The following CHGA variants were observed in gnomAD, a reference collection of about 807,000 sequenced individuals.
CHGA encodes chromogranin A.
Under a neutral mutation model 54.4 loss-of-function variants are expected in CHGA, and 41 were observed. That is an observed-to-expected ratio of 0.75 (90% confidence interval 0.59 to 0.98). The LOEUF (loss-of-function observed/expected upper bound fraction) is 0.98, where lower values mean the gene tolerates loss of function less well. Ranked by LOEUF, CHGA falls within the 50% of genes least tolerant of loss-of-function variation. The pLI is 0.00. For synonymous variants in CHGA, 249 were observed against 232.8 expected, an observed-to-expected ratio of 1.07 and a Z score of -0.63; for missense variants, 576 against 582.3, an observed-to-expected ratio of 0.99 and a Z score of 0.11.
chr14:92,931,489 G>A lies in CHGA; in HGVS notation c.595G>A (p.Ala199Thr). 6.2e-7 allele frequency: 1 copy of A among 1,612,160 alleles called. No homozygotes were observed. Among genetic ancestry groups the A allele is most frequent in the Non-Finnish European group, 8.5e-7 (1 of 1,179,526 alleles). The change falls in exon 6 of 8, where the codon GCC (alanine) becomes ACC (threonine). Residue 199 changes from alanine (A) to threonine (T), a missense_variant. Physicochemically the swap from Ala to Thr is moderately conservative, Grantham distance 58. Transcript: ENST00000216492. ...LPSQKYPGPQAEGDSEGLSQG... is the reference protein window; with the variant it reads ...LPSQKYPGPQTEGDSEGLSQG... ...CAGCCAGAAATACCCAGGCCCACAG[G>A]CCGAGGGGGACAGTGAGGGCCTCTC...
At chr14:92,927,441 G>C (rs1886908390) in intron 3 of CHGA, 109 bp from the exon 4 acceptor site, 2 of 860,642 alleles carry the variant, frequency 2.3e-6, no homozygotes, top group African/African-American at 1.7e-5. Flanking sequence ...CACCACCCTG[G>C]TTTTGAGTTT....
rs1887032885 is a variant in CHGA at position 92,932,693 on chromosome 14, G to A, written c.1132G>A (p.Ala378Thr). Residue 378 changes from alanine to threonine, a missense_variant, in exon 7 of 8, where the codon GCC (alanine) becomes ACC (threonine). Coordinates refer to ENST00000216492, the MANE Select transcript of CHGA (RefSeq NM_001275.4). This position sits in a 1 kb window ranked among gnomAD's most constrained non-coding sequence, Gnocchi z 5.3. ...CAGTTCCATGAAGCTCTCCTTCCGGGCCCGGGCCTACGGCTTCAGGGGCCC... is the reference window on the plus strand; with the variant it reads ...CAGTTCCATGAAGCTCTCCTTCCGGACCCGGGCCTACGGCTTCAGGGGCCC... ...RDSSMKLSFR[A>T]RAYGFRGPGP... is the part of the protein sequence containing the mutation. 1 of 1,610,486 alleles carries A rather than the reference G, an allele frequency of 6.2e-7. No homozygotes were observed. Among genetic ancestry groups the A allele is most frequent in the African/African-American group, 1.3e-5 (1 of 74,910 alleles).
chr14:92,927,048 C>A, intron 3 of CHGA, among the ~76,000 whole-genome samples: 1 of 152,198 alleles, frequency 6.6e-6, no homozygotes, highest in South Asian at 2.1e-4. Flanking sequence ...TCTGCAGACA[C>A]CCTCTAGATG....
intron 3 of CHGA, 147 bp from the exon 4 acceptor site, chr14:92,927,403 G>T: frequency 1.5e-6 from 1 of 660,736 alleles, no homozygotes; most frequent in Non-Finnish European, 2.7e-6. Flanking sequence ...AATTTCAAAA[G>T]TGTTATCTGA....
intron 1 of CHGA, 128 bp from the exon 2 acceptor site, chr14:92,924,071 C>G: frequency 9.5e-7 from 1 of 1,057,416 alleles, no homozygotes; most frequent in South Asian, 1.4e-5. Context: ...CAGCCCTAGC[C>G]TCTCTTTTTG....
At position 92,934,802 on chromosome 14, in the gene CHGA, AC is replaced by A. The variant is rs1478211794; in HGVS notation, c.1294del (p.Gln432ArgfsTer103). On this transcript the variant is annotated frameshift_variant and splice_region_variant, in exon 8 of 8. Coordinates refer to ENST00000216492, the MANE Select transcript of CHGA (RefSeq NM_001275.4). LOFTEE classifies it high-confidence loss of function. ...EEGSANRRPE[D>X]QELESLSAIE... Reference sequence around the variant, plus strand: ...AGTGAACCCCAATGTCTCTCCTAGGACCAGGAGCTGGAGAGCCTGTCGGCCA... The same window carrying A: ...AGTGAACCCCAATGTCTCTCCTAGGACAGGAGCTGGAGAGCCTGTCGGCCA... 6.3e-7 allele frequency: 1 copy of A among 1,579,566 alleles called. No individual in the cohort carries two copies. Among genetic ancestry groups the A allele is most frequent in the South Asian group, 1.2e-5 (1 of 85,370 alleles).
At chr14:92,931,801 C>G (rs1887005245) in intron 6 of CHGA, 99 bp downstream of exon 6, 1 of 1,221,452 alleles carries the variant, frequency 8.2e-7, no homozygotes, top group African/African-American at 1.5e-5. Context: ...TCATAACAAC[C>G]CTGAAAGGTA....
At chr14:92,929,268 C>G (rs1886947079) in intron 4 of CHGA, among the ~76,000 whole-genome samples, 1 of 152,216 alleles carries the variant, frequency 6.6e-6, no homozygotes, top group Non-Finnish European at 1.5e-5. Flanking sequence ...GTCACCATTA[C>G]TGCCTGCTGC....
rs1307623914 is a variant in CHGA at position 92,932,276 on chromosome 14, T to G, written c.809-94T>G. The G allele has an allele frequency of 1.1e-5, 16 of 1,439,012 alleles. No homozygotes were observed. Among genetic ancestry groups the G allele is most frequent in the Non-Finnish European group, 1.4e-5 (15 of 1,085,900 alleles). 89.1% of individuals were successfully genotyped at this position (1,439,012 alleles called of 1,614,324 possible). A position where few individuals can be genotyped will look rare whatever the true frequency, so the allele number is the denominator to read the frequency against. On this transcript the variant is annotated intron_variant, in intron 6 of 7. Transcript: ENST00000216492. This position sits in a 1 kb window ranked among gnomAD's most constrained non-coding sequence, Gnocchi z 5.3. ...CGTCATCACTGTGGAGAGGCTGGGC[T>G]GTGGCCGCAGCAGAGGCCCCCAGGG...
chr14:92,932,864 C>A lies in CHGA; in HGVS notation c.1290+13C>A. The A allele has an allele frequency of 6.8e-7, 1 of 1,469,140 alleles. No individual in the cohort carries two copies. Among genetic ancestry groups the A allele is most frequent in the Non-Finnish European group, 9.0e-7 (1 of 1,107,542 alleles). The allele number at this position is 1,469,140 out of a possible 1,614,324, so 91.0% of individuals were successfully genotyped here. A position where few individuals can be genotyped will look rare whatever the true frequency, so the allele number is the denominator to read the frequency against. Reference sequence around the variant, plus strand: ...CCGCAGACCAGAGGTTGGTATGGGGCGGGAGCCAGCTCTGTGCCAGGCCAC... The same window carrying A: ...CCGCAGACCAGAGGTTGGTATGGGGAGGGAGCCAGCTCTGTGCCAGGCCAC... On this transcript the variant is annotated intron_variant, in intron 7 of 7. Coordinates refer to ENST00000216492, the MANE Select transcript of CHGA (RefSeq NM_001275.4). The surrounding 1 kb of genome is among the most constrained non-coding windows in gnomAD (Gnocchi z 5.3).
chr14:92,931,639 G>A lies in CHGA; in HGVS notation c.745G>A (p.Gly249Ser). Residue 249 changes from glycine to serine, a missense_variant, in exon 6 of 8, where the codon GGC (glycine) becomes AGC (serine). Physicochemically the swap from Gly to Ser is moderately conservative, Grantham distance 56. Transcript: ENST00000216492. ...AGEEAVPEEE[G>S]PTVVLNPHPS... is the part of the protein sequence containing the mutation. ...AGAGGAGGCTGTCCCCGAGGAAGAA[G>A]GCCCCACTGTAGTGCTGAACCCCCA... The A allele has an allele frequency of 6.2e-7, 1 of 1,611,132 alleles. No homozygotes were observed. Among genetic ancestry groups the A allele is most frequent in the Non-Finnish European group, 8.5e-7 (1 of 1,178,594 alleles).
chr14:92,927,337 C>G (rs1241657249), intron 3 of CHGA, among the ~76,000 whole-genome samples: 1 of 152,194 alleles, frequency 6.6e-6, no homozygotes, highest in Non-Finnish European at 1.5e-5. Context: ...GCTGCTGGGG[C>G]AGTGGCTGAC....
intron 5 of CHGA, among the ~76,000 whole-genome samples, chr14:92,930,935 T>G (rs1312607404): frequency 1.3e-5 from 2 of 152,262 alleles, no homozygotes; most frequent in African/African-American, 4.8e-5. Flanking sequence ...GTTAAGCAAC[T>G]TGCCCAAGAT....
In CHGA at chr14:92,923,376, TC is replaced by T; in HGVS notation, c.19del (p.Leu7TrpfsTer15). 1 of 1,296,958 alleles carries T rather than the reference TC, an allele frequency of 7.7e-7. No individual in the cohort carries two copies. The highest frequency in any genetic ancestry group is 9.7e-7 in the Non-Finnish European group (1 of 1,027,960). The allele number at this position is 1,296,958 out of a possible 1,614,324, so 80.3% of individuals were successfully genotyped here. A position where few individuals can be genotyped will look rare whatever the true frequency, so the allele number is the denominator to read the frequency against. On this transcript the variant is annotated frameshift_variant, in exon 1 of 8. Transcript: ENST00000216492. LOFTEE classifies it high-confidence loss of function. ...GGGTCCGCCATGCGCTCCGCCGCTG[TC>T]CTGGCTCTTCTGCTCTGCGCCGGGC... is the stretch of plus-strand genomic sequence containing the variant. Reference protein sequence around the residue: MRSAAVLALLLCAGQV... With the variant: MRSAAXLALLLCAGQV...
At chr14:92,926,955 A>G (rs8013584) in intron 3 of CHGA, among the ~76,000 whole-genome samples, 116,976 of 152,220 alleles carry the variant, frequency 0.77, 45,474 homozygotes, top group East Asian at 0.95. Flanking sequence ...ACCAGGGCTG[A>G]AACAGCAAGC....
intron 5 of CHGA, 22 bp downstream of exon 5, chr14:92,929,837 C>T (rs780438809): frequency 6.9e-6 from 11 of 1,604,434 alleles, no homozygotes; most frequent in South Asian, 2.2e-5. Flanking sequence ...CCGGTCTGGC[C>T]GGAGGTGGGG....
In CHGA at chr14:92,923,459, T is replaced by G. The variant is rs1886825691; in HGVS notation, c.46+54T>G. On this transcript the variant is annotated intron_variant, in intron 1 of 7. Coordinates refer to ENST00000216492, the MANE Select transcript of CHGA (RefSeq NM_001275.4). ...AGGGTTCCGGGCGCCCCTGCCCACCTTGAGGTCCGGGCACCGCGCGGCGCC... is the reference window on the plus strand; with the variant it reads ...AGGGTTCCGGGCGCCCCTGCCCACCGTGAGGTCCGGGCACCGCGCGGCGCC... 3 of 1,232,008 alleles carry G rather than the reference T, an allele frequency of 2.4e-6. No homozygotes were observed. In the African/African-American group the frequency reaches 4.7e-5, roughly 19 times the overall value. The allele number at this position is 1,232,008 out of a possible 1,614,324, so 76.3% of individuals were successfully genotyped here. A position where few individuals can be genotyped will look rare whatever the true frequency, so the allele number is the denominator to read the frequency against.
At chr14:92,929,196 G>C (rs1185499084) in intron 4 of CHGA, among the ~76,000 whole-genome samples, 1 of 152,160 alleles carries the variant, frequency 6.6e-6, no homozygotes, top group African/African-American at 2.4e-5. Flanking sequence ...ACAGGGCTTG[G>C]CCTTCTCCCC....
Position 92,929,932 on chromosome 14 carries a change from C to CCT in CHGA, c.355+124_355+125dup, listed in dbSNP as rs750551627. 176 of 754,468 alleles carry CCT rather than the reference C, an allele frequency of 2.3e-4. 1 individual carries two copies. Among genetic ancestry groups the CCT allele is most frequent in the Non-Finnish European group, 3.6e-4 (160 of 449,368 alleles). The allele number at this position is 754,468 out of a possible 1,614,324, so 46.7% of individuals were successfully genotyped here. On this transcript the variant is annotated intron_variant, in intron 5 of 7. Transcript: ENST00000216492. ...AGCCCCACCCATAATCCCTTATTTC[C>CCT]CTCTCTCTACAAATGGGGAAACTGC...
Sources: allele counts gnomAD v4.1 joint callset (sites outside exome capture counted in the v4.1 genomes callset), GRCh38; gene constraint gnomAD v4.1.1; non-coding constraint Gnocchi (gnomAD v3.1); transcripts MANE v1.5; gene names NCBI Gene and HGNC (gene_info 2026-07-23, HGNC 2026-07-21).